The following VPS13A variants were observed in gnomAD, a reference collection of about 807,000 sequenced individuals.
The protein encoded by VPS13A is intermembrane lipid transfer protein VPS13A.
In VPS13A, 264 loss-of-function variants were observed where a neutral mutation model predicts 390.9. That is an observed-to-expected ratio of 0.68 (90% CI 0.61 to 0.75). The LOEUF (loss-of-function observed/expected upper bound fraction) is 0.75. VPS13A is among the 30% of genes least tolerant of loss of function. The probability of loss-of-function intolerance (pLI) is 0.00; values close to 1 mark genes in which losing one functional copy is unlikely to be tolerated. For missense variants in VPS13A, 3,409 were observed against 3,733.9 expected, an observed-to-expected ratio of 0.91 and a Z score of 2.27; for synonymous variants, 1,231 against 1,227.1, an observed-to-expected ratio of 1.00 and a Z score of -0.07.
chr9:77,313,602 T>C (rs1259857279), intron 35 of VPS13A, among the ~76,000 whole-genome samples: 1 of 152,190 alleles, frequency 6.6e-6, no homozygotes, highest in Non-Finnish European at 1.5e-5. Context: ...TTTAAAAATG[T>C]CTCTTGGTTT....
At chr9:77,399,891 C>T (rs1330159694) in intron 68 of VPS13A, among the ~76,000 whole-genome samples, 1 of 152,128 alleles carries the variant, frequency 6.6e-6, no homozygotes, top group Non-Finnish European at 1.5e-5. Context: ...TGCATTTCTA[C>T]TTTTCATTCT....
chr9:77,203,098 T>C (rs747458652), intron 3 of VPS13A, among the ~76,000 whole-genome samples: 1 of 152,220 alleles, frequency 6.6e-6, no homozygotes, highest in Non-Finnish European at 1.5e-5. Flanking sequence ...TATTGGGTAT[T>C]GATCTTTCAA....
At chr9:77,310,332 G>T (rs1270664211) in intron 35 of VPS13A, among the ~76,000 whole-genome samples, 1 of 149,854 alleles carries the variant, frequency 6.7e-6, no homozygotes, top group African/African-American at 2.5e-5. Context: ...TTTAAGGAAA[G>T]AAAAAAAAAG....
intron 22 of VPS13A, among the ~76,000 whole-genome samples, chr9:77,252,923 G>T (rs991931064): frequency 4.6e-5 from 7 of 152,020 alleles, no homozygotes; most frequent in African/African-American, 1.7e-4. Context: ...ATGCTGTTTG[G>T]CTGTTGTAAT....
chr9:77,245,217 G>A (rs1014905659), intron 19 of VPS13A, among the ~76,000 whole-genome samples: 1 of 152,158 alleles, frequency 6.6e-6, no homozygotes, highest in African/African-American at 2.4e-5. Flanking sequence ...TTGTGTCCTG[G>A]TATCAAGAAA....
intron 54 of VPS13A, among the ~76,000 whole-genome samples, chr9:77,354,553 G>A (rs1831651443): frequency 6.6e-6 from 1 of 151,786 alleles, no homozygotes; most frequent in South Asian, 2.1e-4. Context: ...AGTTCTATAA[G>A]GAATAAACAA....
intron 59 of VPS13A, 63 bp from the exon 60 acceptor site, chr9:77,365,397 T>C (rs1433356573): frequency 6.5e-6 from 7 of 1,070,160 alleles, no homozygotes; most frequent in Non-Finnish European, 2.9e-6. Flanking sequence ...GTGTCTTCTA[T>C]TTGCTTAAAT....
At chr9:77,391,130 A>C (rs927072491) in intron 68 of VPS13A, among the ~76,000 whole-genome samples, 1 of 152,142 alleles carries the variant, frequency 6.6e-6, no homozygotes, top group African/African-American at 2.4e-5. Flanking sequence ...CAAAGTTGCT[A>C]AATTCTGATA....
chr9:77,309,152 G>C (rs971870028), intron 35 of VPS13A, among the ~76,000 whole-genome samples: 19 of 152,144 alleles, frequency 1.2e-4, no homozygotes, highest in African/African-American at 4.6e-4. Context: ...ACCACCACCA[G>C]CTCACCCAAG....
At chr9:77,412,011 C>G (rs1687955655) in intron 71 of VPS13A, among the ~76,000 whole-genome samples, 1 of 152,094 alleles carries the variant, frequency 6.6e-6, no homozygotes, top group African/African-American at 2.4e-5. Flanking sequence ...GGATAAATTC[C>G]TCAACACATA....
At chr9:77,296,749 T>C (rs935717027) in intron 33 of VPS13A, among the ~76,000 whole-genome samples, 5 of 152,186 alleles carry the variant, frequency 3.3e-5, no homozygotes, top group African/African-American at 1.2e-4. Flanking sequence ...ACTTCTTCCT[T>C]AAGTATTAGG....
At chr9:77,247,741 A>T (rs950149457) in intron 20 of VPS13A, among the ~76,000 whole-genome samples, 1 of 152,126 alleles carries the variant, frequency 6.6e-6, no homozygotes, top group African/African-American at 2.4e-5. Context: ...GCTCACTGCA[A>T]CCTCTGCCTC....
At chr9:77,289,464 G>A (rs183444666) in intron 31 of VPS13A, among the ~76,000 whole-genome samples, 131 of 151,612 alleles carry the variant, frequency 8.6e-4, no homozygotes, top group African/African-American at 2.9e-3. Context: ...GTTTCTCTAG[G>A]GTTTACAATG....
In VPS13A at chr9:77,409,340, A is replaced by AGAT. The variant is rs374790992; in HGVS notation, c.9474+1735_9474+1737dup. Among the ~76,000 whole-genome samples the AGAT allele has an allele frequency of 5.9e-3, 904 of 152,322 alleles. 11 individuals carry two copies. Among genetic ancestry groups the AGAT allele is most frequent in the Middle Eastern group, 0.02 (6 of 294 alleles). On this transcript the variant is annotated intron_variant, in intron 71 of 71. Coordinates refer to ENST00000360280, the MANE Select transcript of VPS13A (RefSeq NM_033305.3). ...AGACCAAAGGTAGATAAAACCACAA[A>AGAT]GATGGGGAAAAAACAGAGCAGAAAA...
intron 27 of VPS13A, among the ~76,000 whole-genome samples, chr9:77,281,343 G>C (rs569040546): frequency 8.5e-5 from 13 of 152,252 alleles, no homozygotes; most frequent in Middle Eastern, 3.4e-3. Context: ...AGATATGTTA[G>C]TTAGCTTAAT....
At chr9:77,298,719 T>A (rs1477247320) in intron 33 of VPS13A, among the ~76,000 whole-genome samples, 1 of 152,142 alleles carries the variant, frequency 6.6e-6, no homozygotes, top group Non-Finnish European at 1.5e-5. Context: ...AAATCTCATC[T>A]TGAATTGCAG....
At chr9:77,381,227 A>G (rs1467610169) in intron 67 of VPS13A, among the ~76,000 whole-genome samples, 1 of 151,984 alleles carries the variant, frequency 6.6e-6, no homozygotes, top group African/African-American at 2.4e-5. Flanking sequence ...CTATCCTCCC[A>G]CCTCAGCCTT....
At chr9:77,323,677 AT>A (rs773940918) in intron 45 of VPS13A, among the ~76,000 whole-genome samples, 57 of 152,250 alleles carry the variant, frequency 3.7e-4, no homozygotes, top group Admixed American at 7.8e-4. Flanking sequence ...TAATGAACAT[AT>A]TTATTTCTTA....
intron 24 of VPS13A, among the ~76,000 whole-genome samples, chr9:77,274,884 A>G (rs1351084112): frequency 2.6e-5 from 4 of 152,118 alleles, no homozygotes; most frequent in Non-Finnish European, 5.9e-5. Context: ...TGATTGTTTC[A>G]TTTAAACCTA....
Sources: allele counts gnomAD v4.1 joint callset (sites outside exome capture counted in the v4.1 genomes callset), GRCh38; gene constraint gnomAD v4.1.1; transcripts MANE v1.5; gene names NCBI Gene and HGNC (gene_info 2026-07-23, HGNC 2026-07-21).